The following DPP10 variants were observed in gnomAD, a reference collection of about 807,000 sequenced individuals.
DPP10 encodes inactive dipeptidyl peptidase 10.
In DPP10, 33 loss-of-function variants were observed where a neutral mutation model predicts 120.9. The ratio of observed to expected loss-of-function variants is 0.27; its 90% CI spans 0.21 to 0.37. The LOEUF (loss-of-function observed/expected upper bound fraction) is 0.37, where lower values mean the gene tolerates loss of function less well. Ranked by LOEUF, DPP10 falls within the 10% of genes least tolerant of loss-of-function variation. DPP10 has a pLI of 1.00. For synonymous variants in DPP10, 337 were observed against 326.1 expected (o/e 1.03, Z -0.36); for missense variants, 816 against 942.8 (o/e 0.87, Z 1.76).
chr2:114,511,650 C>T (rs1043071603), intron 1 of DPP10, among the ~76,000 whole-genome samples: 1 of 152,190 alleles, frequency 6.6e-6, no homozygotes, highest in African/African-American at 2.4e-5. Flanking sequence ...CCAGTCAAAT[C>T]AAACTCGATT....
intron 3 of DPP10, among the ~76,000 whole-genome samples, chr2:115,379,880 T>A (rs4848386): frequency 0.19 from 28,671 of 152,192 alleles, 3,037 homozygotes; most frequent in East Asian, 0.35. Context: ...AGATTCTTAA[T>A]CCTGAGTTCT....
intron 4 of DPP10, among the ~76,000 whole-genome samples, chr2:115,509,945 T>C (rs987977878): frequency 3.3e-5 from 5 of 152,192 alleles, no homozygotes; most frequent in African/African-American, 1.2e-4. Flanking sequence ...TTGTATTCCC[T>C]TAATTTATTG....
intron 3 of DPP10, among the ~76,000 whole-genome samples, chr2:115,379,138 T>A (rs912905465): frequency 9.2e-5 from 14 of 152,348 alleles, no homozygotes; most frequent in Middle Eastern, 3.4e-3. Flanking sequence ...TACCAGTTCC[T>A]CCTTGTACCT....
intron 1 of DPP10, among the ~76,000 whole-genome samples, chr2:114,473,087 G>A (rs560556844): frequency 3.5e-4 from 53 of 152,288 alleles, no homozygotes; most frequent in African/African-American, 1.2e-3. Context: ...TATTTGCCAA[G>A]CTTATTATCA....
chr2:115,004,197 G>T (rs1009264637), intron 1 of DPP10, among the ~76,000 whole-genome samples: 2 of 152,146 alleles, frequency 1.3e-5, no homozygotes, highest in Admixed American at 1.3e-4. Flanking sequence ...AGGGAAGGTG[G>T]TTAATGGTCC....
chr2:114,690,527 C>A (rs1699667770), intron 1 of DPP10, among the ~76,000 whole-genome samples: 1 of 152,062 alleles, frequency 6.6e-6, no homozygotes, highest in Non-Finnish European at 1.5e-5. Context: ...CATGATGCCT[C>A]CAGCTTTGTT....
intron 1 of DPP10, among the ~76,000 whole-genome samples, chr2:115,212,624 GAAAA>G (rs961595828): frequency 6.6e-6 from 1 of 151,500 alleles, no homozygotes; most frequent in Non-Finnish European, 1.5e-5. Flanking sequence ...TAATTTAAAA[GAAAA>G]AAAGTATTTA....
intron 3 of DPP10, among the ~76,000 whole-genome samples, chr2:115,391,306 C>T (rs1264511032): frequency 1.3e-5 from 2 of 152,124 alleles, no homozygotes; most frequent in Non-Finnish European, 1.5e-5. Context: ...GAAGTCCTTA[C>T]TACTGGACAC....
intron 1 of DPP10, among the ~76,000 whole-genome samples, chr2:114,936,535 T>TTGTAAA (rs950955582): frequency 1.3e-5 from 2 of 152,034 alleles, no homozygotes; most frequent in African/African-American, 4.8e-5. Context: ...CAATTGCAAA[T>TTGTAAA]TGTGTTGCTA....
At chr2:115,476,681 C>T (rs1248118264) in intron 3 of DPP10, among the ~76,000 whole-genome samples, 1 of 152,120 alleles carries the variant, frequency 6.6e-6, no homozygotes, top group Non-Finnish European at 1.5e-5. Context: ...CTACCAGGCT[C>T]CACTTCCAAC....
chr2:115,752,909 A>G lies in DPP10; in HGVS notation c.951-265A>G, dbSNP rs184422050. ...TTTTCTGGGAAATAATTCACTCTCAAATTTGTTCTCAAATTATCTGTATAT... is the reference window on the plus strand; with the variant it reads ...TTTTCTGGGAAATAATTCACTCTCAGATTTGTTCTCAAATTATCTGTATAT... On this transcript the variant is annotated intron_variant, in intron 10 of 25. Coordinates refer to ENST00000410059, the MANE Select transcript of DPP10 (RefSeq NM_020868.6). Among the ~76,000 whole-genome samples, 417 of 152,176 alleles carry G rather than the reference A, an allele frequency of 2.7e-3. 1 individual carries two copies. Among genetic ancestry groups the G allele is most frequent in the South Asian group, 6.2e-3 (30 of 4,816 alleles).
At chr2:115,188,845 A>C (rs1463021771) in intron 1 of DPP10, among the ~76,000 whole-genome samples, 1 of 152,182 alleles carries the variant, frequency 6.6e-6, no homozygotes, top group East Asian at 1.9e-4. Flanking sequence ...ATATGAAAAA[A>C]AAAAGCACAC....
intron 5 of DPP10, among the ~76,000 whole-genome samples, chr2:115,627,123 A>AT (rs1352155034): frequency 6.6e-6 from 1 of 152,186 alleles, no homozygotes; most frequent in Non-Finnish European, 1.5e-5. Context: ...TACAAAAAAA[A>AT]TCCAAGAGTA....
At chr2:114,536,491 T>C (rs1373594852) in intron 1 of DPP10, among the ~76,000 whole-genome samples, 1 of 149,034 alleles carries the variant, frequency 6.7e-6, no homozygotes, top group Non-Finnish European at 1.5e-5. Flanking sequence ...CTGCAACCTC[T>C]GTCTCCCGGG....
At chr2:115,446,557 G>A (rs1469805448) in intron 3 of DPP10, among the ~76,000 whole-genome samples, 6 of 74,822 alleles carry the variant, frequency 8.0e-5, no homozygotes, top group Non-Finnish European at 2.3e-4. Context: ...CAGACTAAGA[G>A]TATTTAAGGA....
At chr2:115,052,410 C>A (rs965247469) in intron 1 of DPP10, among the ~76,000 whole-genome samples, 11 of 151,950 alleles carry the variant, frequency 7.2e-5, no homozygotes, top group African/African-American at 2.7e-4. Flanking sequence ...TGAGAAATAA[C>A]GTTTGCAAAT....
intron 5 of DPP10, among the ~76,000 whole-genome samples, chr2:115,582,294 C>G (rs1312797539): frequency 6.6e-6 from 1 of 152,128 alleles, no homozygotes; most frequent in African/African-American, 2.4e-5. Context: ...GCATTTTTCC[C>G]TTACCAGTCG....
At chr2:114,636,792 T>C (rs764274385) in intron 1 of DPP10, among the ~76,000 whole-genome samples, 10 of 152,002 alleles carry the variant, frequency 6.6e-5, no homozygotes, top group Non-Finnish European at 8.8e-5. Context: ...CCCAACAGTA[T>C]ACCTCCTTAG....
chr2:115,213,286 A>G lies in DPP10; in HGVS notation c.61-95953A>G, dbSNP rs187183265. Among the ~76,000 whole-genome samples the G allele has an allele frequency of 2.6e-5, 4 of 152,284 alleles. No homozygotes were observed. The East Asian group carries it at 7.7e-4, about 29-fold the overall frequency. ...GTAGGATGCAACAGTGTTCTCGGAT[A>G]GCACTAATTTAGAAAAAAACTGGGA... On this transcript the variant is annotated intron_variant, in intron 1 of 25. Transcript: ENST00000410059.
Sources: allele counts gnomAD v4.1 joint callset (sites outside exome capture counted in the v4.1 genomes callset), GRCh38; gene constraint gnomAD v4.1.1; transcripts MANE v1.5; gene names NCBI Gene and HGNC (gene_info 2026-07-23, HGNC 2026-07-21).